Variants in IMMP2L observed in about 807,000 individuals in gnomAD.
IMMP2L encodes the protein mitochondrial inner membrane protease subunit 2.
IMMP2L carries 18 observed loss-of-function variants against 19.3 expected under a neutral mutation model. The ratio of observed to expected loss-of-function variants is 0.93; its 90% CI spans 0.64 to 1.38. The LOEUF is 1.38. Ranked by LOEUF, IMMP2L falls within the 40% of genes most tolerant of loss-of-function variation. The pLI is 0.00. For synonymous variants in IMMP2L, 76 were observed against 73.0 expected (o/e 1.04, Z -0.21); for missense variants, 233 against 218.2 (o/e 1.07, Z -0.43).
At chr7:110,963,475 C>T (rs370592056) in intron 4 of IMMP2L, 25 bp downstream of exon 4, 4 of 1,513,586 alleles carry the variant, frequency 2.6e-6, no homozygotes, top group East Asian at 2.3e-5. Context: ...AAAACTTGAA[C>T]TCAGAAACAA....
At chr7:111,208,243 T>G (rs892864841) in intron 3 of IMMP2L, among the ~76,000 whole-genome samples, 3 of 152,124 alleles carry the variant, frequency 2.0e-5, no homozygotes, top group African/African-American at 7.2e-5. Context: ...GCATAATCAT[T>G]CAAAAAAGAA....
At chr7:110,910,097 A>C (rs1812894420) in intron 4 of IMMP2L, among the ~76,000 whole-genome samples, 1 of 152,156 alleles carries the variant, frequency 6.6e-6, no homozygotes, top group South Asian at 2.1e-4. Flanking sequence ...GCCATTTCAG[A>C]GTAAGCAAAC....
At chr7:111,101,765 C>G (rs921612878) in intron 3 of IMMP2L, among the ~76,000 whole-genome samples, 1 of 151,322 alleles carries the variant, frequency 6.6e-6, no homozygotes, top group Non-Finnish European at 1.5e-5. Flanking sequence ...CTGGGACATT[C>G]AAAGTAAATA....
chr7:110,860,233 T>C (rs1807251550), intron 5 of IMMP2L, among the ~76,000 whole-genome samples: 1 of 152,050 alleles, frequency 6.6e-6, no homozygotes. Flanking sequence ...AAATTTAATT[T>C]TAACTTATAA....
At chr7:110,852,318 T>A (rs1806313365) in intron 5 of IMMP2L, among the ~76,000 whole-genome samples, 1 of 151,952 alleles carries the variant, frequency 6.6e-6, no homozygotes, top group African/African-American at 2.4e-5. Flanking sequence ...TACATATACA[T>A]ACACACAAGA....
chr7:110,935,191 G>A lies in IMMP2L; in HGVS notation c.305+28309C>T, dbSNP rs140434817. ...TCAGGAGCTCTTGTAGGGCAGGCCT[G>A]GTGGTGACAAAATCTCTCATCATTT... On this transcript the variant is annotated intron_variant, in intron 4 of 5. Transcript: ENST00000405709. 5.6e-3 allele frequency among the ~76,000 whole-genome samples: 856 copies of A among 152,212 alleles called. 11 individuals are homozygous for A. Among genetic ancestry groups the A allele is most frequent in the African/African-American group, 0.02 (826 of 41,510 alleles).
intron 3 of IMMP2L, among the ~76,000 whole-genome samples, chr7:110,984,094 G>A (rs1446167047): frequency 6.6e-6 from 1 of 151,956 alleles, no homozygotes; most frequent in Non-Finnish European, 1.5e-5. Flanking sequence ...ACTCAGATAT[G>A]ATTTAATCTC....
chr7:110,786,932 T>C (rs1800119432), intron 5 of IMMP2L, among the ~76,000 whole-genome samples: 1 of 152,024 alleles, frequency 6.6e-6, no homozygotes, highest in Non-Finnish European at 1.5e-5. Context: ...TAGTTGAATT[T>C]GGAGTGCTTG....
At chr7:111,331,932 A>T (rs1825918585) in intron 3 of IMMP2L, among the ~76,000 whole-genome samples, 1 of 151,934 alleles carries the variant, frequency 6.6e-6, no homozygotes, top group Non-Finnish European at 1.5e-5. Flanking sequence ...TGGGAAAGTT[A>T]AGCAAAAAAA....
At chr7:111,400,967 A>G (rs1833372282) in intron 3 of IMMP2L, among the ~76,000 whole-genome samples, 1 of 151,522 alleles carries the variant, frequency 6.6e-6, no homozygotes, top group Admixed American at 6.6e-5. Context: ...TATTCTGGTG[A>G]GGAAAGGTTT....
At chr7:111,073,335 A>C (rs1287604760) in intron 3 of IMMP2L, among the ~76,000 whole-genome samples, 1 of 152,206 alleles carries the variant, frequency 6.6e-6, no homozygotes, top group Non-Finnish European at 1.5e-5. Flanking sequence ...GAGAAAGTGC[A>C]TAAAGGTACC....
At position 111,173,759 on chromosome 7, in the gene IMMP2L, G is replaced by C. The variant is rs536208154; in HGVS notation, c.240-210194C>G. Among the ~76,000 whole-genome samples the C allele has an allele frequency of 3.3e-5, 5 of 151,594 alleles. No individual in the cohort carries two copies. The South Asian group carries it at 8.3e-4, about 25-fold the overall frequency. Reference sequence around the variant, plus strand: ...GAAAAACACACTAGGGCTAATAACAGTCCTGTAAATGAAAACTAATCAGTC... The same window carrying C: ...GAAAAACACACTAGGGCTAATAACACTCCTGTAAATGAAAACTAATCAGTC... On this transcript the variant is annotated intron_variant, in intron 3 of 5. Transcript: ENST00000405709.
At chr7:110,802,355 GTGTGTGTGTGTGTGCC>G (rs1478735281) in intron 5 of IMMP2L, among the ~76,000 whole-genome samples, 1 of 151,388 alleles carries the variant, frequency 6.6e-6, no homozygotes, top group East Asian at 2.0e-4. Flanking sequence ...GTGTGTGTGT[GTGTGTGTGTGTGTGCC>G]TGTGTCTGTG....
chr7:111,089,425 A>T (rs902852500), intron 3 of IMMP2L, among the ~76,000 whole-genome samples: 3 of 152,104 alleles, frequency 2.0e-5, no homozygotes, highest in Non-Finnish European at 4.4e-5. Context: ...TTTACAAATA[A>T]TTATCACAAT....
chr7:111,351,767 TAAGA>T (rs1485070577), intron 3 of IMMP2L, among the ~76,000 whole-genome samples: 4 of 152,192 alleles, frequency 2.6e-5, no homozygotes, highest in Non-Finnish European at 4.4e-5. Flanking sequence ...GTATTTGAAA[TAAGA>T]AAGTGCAGAC....
At chr7:111,479,924 C>T (rs1842035396) in intron 3 of IMMP2L, among the ~76,000 whole-genome samples, 2 of 151,842 alleles carry the variant, frequency 1.3e-5, no homozygotes, top group African/African-American at 4.8e-5. Context: ...CACAAAATCT[C>T]GGTAATTCAA....
At chr7:110,963,279 T>A (rs1037161913) in intron 4 of IMMP2L, among the ~76,000 whole-genome samples, 1 of 152,008 alleles carries the variant, frequency 6.6e-6, no homozygotes, top group Non-Finnish European at 1.5e-5. Context: ...TTAATATTTA[T>A]CCTATACTTC....
At position 111,063,516 on chromosome 7, in the gene IMMP2L, G is replaced by C. The variant is rs568529302; in HGVS notation, c.240-99951C>G. ...CTACTTACGCAAATTTCTGCAGCAG[G>C]CTTGAATTTCTCCTCAGAAAATGGG... On this transcript the variant is annotated intron_variant, in intron 3 of 5. Transcript: ENST00000405709. Among the ~76,000 whole-genome samples, 14 of 152,296 alleles carry C rather than the reference G, an allele frequency of 9.2e-5. No homozygotes were observed. The East Asian group carries it at 2.5e-3, about 27-fold the overall frequency.
At chr7:110,735,629 T>G (rs1796565918) in intron 5 of IMMP2L, among the ~76,000 whole-genome samples, 1 of 146,994 alleles carries the variant, frequency 6.8e-6, no homozygotes, top group Non-Finnish European at 1.5e-5. Flanking sequence ...ACTCTGTGTC[T>G]ACAAATATAT....
Sources: allele counts gnomAD v4.1 joint callset (sites outside exome capture counted in the v4.1 genomes callset), GRCh38; gene constraint gnomAD v4.1.1; transcripts MANE v1.5; gene names NCBI Gene and HGNC (gene_info 2026-07-23, HGNC 2026-07-21).